The following DLG2 variants were observed in gnomAD, a reference collection of about 807,000 sequenced individuals.
The protein encoded by DLG2 is disks large homolog 2.
In DLG2, 45 loss-of-function variants were observed where a neutral mutation model predicts 132.5. That is an observed-to-expected ratio of 0.34 (90% CI 0.27 to 0.44). DLG2 has a LOEUF of 0.44. DLG2 is among the 20% of genes least tolerant of loss of function. DLG2 has a pLI of 1.00. For missense variants in DLG2, 1,045 were observed against 1,196.9 expected, an observed-to-expected ratio of 0.87 and a Z score of 1.87; for synonymous variants, 424 against 419.6, an observed-to-expected ratio of 1.01 and a Z score of -0.13.
At chr11:84,605,004 T>C (rs920369847) in intron 6 of DLG2, among the ~76,000 whole-genome samples, 2 of 151,942 alleles carry the variant, frequency 1.3e-5, no homozygotes, top group African/African-American at 2.4e-5. Context: ...TGTTTTCACA[T>C]AAATGAGATA....
At chr11:84,691,009 C>T (rs2057967054) in intron 6 of DLG2, among the ~76,000 whole-genome samples, 1 of 151,766 alleles carries the variant, frequency 6.6e-6, no homozygotes. Context: ...ATTAATGGTC[C>T]ACAGAACAGT....
At chr11:85,052,340 T>A (rs544655068) in intron 6 of DLG2, among the ~76,000 whole-genome samples, 1 of 152,334 alleles carries the variant, frequency 6.6e-6, no homozygotes, top group Non-Finnish European at 1.5e-5. Context: ...ACGAAGTGGT[T>A]GTCTTTGAAA....
At chr11:84,800,584 A>G (rs1335434477) in intron 6 of DLG2, 2 of 152,220 alleles carry the variant, frequency 1.3e-5, no homozygotes, top group Non-Finnish European at 2.9e-5. Flanking sequence ...TGACAAGAAG[A>G]AGGCCAAGGC....
intron 5 of DLG2, 101 bp from the exon 6 acceptor site, chr11:85,111,836 T>G: frequency 1.2e-6 from 1 of 862,526 alleles, no homozygotes; most frequent in Non-Finnish European, 1.7e-6. Flanking sequence ...TTACCTTATT[T>G]ATAATCATAG....
intron 7 of DLG2, among the ~76,000 whole-genome samples, chr11:84,516,398 C>A (rs1195838677): frequency 6.6e-6 from 1 of 151,290 alleles, no homozygotes; most frequent in Non-Finnish European, 1.5e-5. Flanking sequence ...GATATTATAA[C>A]TGATATAAAT....
chr11:84,632,516 T>G (rs570463458), intron 6 of DLG2, among the ~76,000 whole-genome samples: 1 of 152,268 alleles, frequency 6.6e-6, no homozygotes, highest in African/African-American at 2.4e-5. Flanking sequence ...ACATGTAAAT[T>G]TGATCCCATT....
chr11:83,933,007 C>A (rs2080663721), intron 14 of DLG2, among the ~76,000 whole-genome samples: 1 of 152,202 alleles, frequency 6.6e-6, no homozygotes, highest in Non-Finnish European at 1.5e-5. Context: ...GGGCTCCTCA[C>A]AGACTTCTCG....
In DLG2 at chr11:85,598,682, C is replaced by T; in HGVS notation, c.15G>A (p.Lys5=). The T allele has an allele frequency of 6.3e-7, 1 of 1,580,282 alleles. No individual in the cohort carries two copies. The highest frequency in any genetic ancestry group is 8.6e-7 in the Non-Finnish European group (1 of 1,165,594). Residue 5 remains lysine, a synonymous_variant, in exon 3 of 28, where the codon AAG becomes AAA. Coordinates refer to ENST00000376104, the MANE Select transcript of DLG2 (RefSeq NM_001142699.3). MGIF[K]SSLFQALLDI... is the part of the protein sequence containing the mutation. The stretch of plus-strand genomic sequence containing the variant: ...CTAGCAAAGCTTGGAATAAGCTGCT[C>T]TTAAAGATACCCATCACCTTTTTAA...
At chr11:84,311,366 T>C (rs2098284844) in intron 7 of DLG2, among the ~76,000 whole-genome samples, 1 of 152,200 alleles carries the variant, frequency 6.6e-6, no homozygotes, top group South Asian at 2.1e-4. Flanking sequence ...GGGGTTTTTA[T>C]ATACCGTATT....
intron 18 of DLG2, among the ~76,000 whole-genome samples, chr11:83,680,946 G>T (rs1433104652): frequency 3.3e-5 from 5 of 152,040 alleles, no homozygotes; most frequent in Non-Finnish European, 7.4e-5. Flanking sequence ...AGGTTAAAGA[G>T]GACATTTGTC....
At chr11:84,861,613 C>A (rs1264981983) in intron 6 of DLG2, among the ~76,000 whole-genome samples, 1 of 46,148 alleles carries the variant, frequency 2.2e-5, no homozygotes, top group Non-Finnish European at 3.9e-5. Flanking sequence ...AGAGCTTCTA[C>A]ACAGCAAAAA....
chr11:84,686,743 A>T (rs2099738595), intron 6 of DLG2: 1 of 151,946 alleles, frequency 6.6e-6, no homozygotes, highest in Admixed American at 6.6e-5. Flanking sequence ...ACTCATAAAG[A>T]AATCACACTC....
intron 18 of DLG2, among the ~76,000 whole-genome samples, chr11:83,748,234 C>A (rs544165437): frequency 8.5e-5 from 13 of 152,158 alleles, no homozygotes; most frequent in Non-Finnish European, 1.6e-4. Context: ...CATGTTCTCC[C>A]AGGACGATAT....
At chr11:84,844,131 GTGTGTATATATATATATATATATATATA>G (rs1160766559) in intron 6 of DLG2, among the ~76,000 whole-genome samples, 3 of 26,366 alleles carry the variant, frequency 1.1e-4, no homozygotes, top group Non-Finnish European at 2.7e-4. Context: ...GTGTGTGTGT[GTGTGTATATATATATATATATATATATA>G]TATATATATA....
At chr11:83,738,144 G>A (rs1046971681) in intron 18 of DLG2, among the ~76,000 whole-genome samples, 6 of 152,072 alleles carry the variant, frequency 3.9e-5, no homozygotes, top group Non-Finnish European at 4.4e-5. Flanking sequence ...CAGATTCCAA[G>A]GGTCTGTGTT....
chr11:83,517,993 G>A (rs1345221715), intron 21 of DLG2, among the ~76,000 whole-genome samples: 1 of 152,214 alleles, frequency 6.6e-6, no homozygotes, highest in Non-Finnish European at 1.5e-5. Flanking sequence ...GAGGCAGTCT[G>A]TCTGTTCTCA....
At chr11:85,138,131 AT>A (rs775723852) in intron 5 of DLG2, among the ~76,000 whole-genome samples, 175 of 152,308 alleles carry the variant, frequency 1.1e-3, no homozygotes, top group Middle Eastern at 6.8e-3. Flanking sequence ...TAATCATGAT[AT>A]TCAATTGTAT....
intron 2 of DLG2, among the ~76,000 whole-genome samples, chr11:85,618,676 T>C (rs1302305159): frequency 6.6e-6 from 1 of 152,130 alleles, no homozygotes; most frequent in Admixed American, 6.5e-5. Flanking sequence ...GACAGAATCA[T>C]TCATATCCAA....
chr11:85,353,237 A>C (rs1009067926), intron 3 of DLG2, among the ~76,000 whole-genome samples: 1 of 152,186 alleles, frequency 6.6e-6, no homozygotes, highest in Non-Finnish European at 1.5e-5. Context: ...ATGTGAAAAA[A>C]TGCTCATCAT....
Sources: gnomAD v4.1 joint callset for allele counts (sites outside exome capture counted in the v4.1 genomes callset) on GRCh38, gnomAD v4.1.1 for gene constraint, MANE v1.5 for transcripts, NCBI Gene and HGNC (gene_info 2026-07-23, HGNC 2026-07-21) for gene names.